The following PHF20 variants were observed in gnomAD, a reference collection of about 807,000 sequenced individuals.
The protein encoded by PHF20 is glioma-expressed antigen 2.
A neutral mutation model predicts 113.5 loss-of-function variants in PHF20; 23 were observed. The ratio of observed to expected loss-of-function variants is 0.20; its 90% CI spans 0.15 to 0.29. The LOEUF (loss-of-function observed/expected upper bound fraction) is 0.29, where lower values mean the gene tolerates loss of function less well. Among genes scored for constraint, PHF20 ranks in the 10% least tolerant of loss-of-function variants. PHF20 has a pLI of 1.00. For synonymous variants in PHF20, 434 were observed against 457.3 expected, an observed-to-expected ratio of 0.95 and a Z score of 0.65; for missense variants, 943 against 1,219.6, an observed-to-expected ratio of 0.77 and a Z score of 3.38.
intron 2 of PHF20, among the ~76,000 whole-genome samples, chr20:35,824,826 T>C (rs1354315610): frequency 2.0e-5 from 3 of 152,220 alleles, no homozygotes; most frequent in Non-Finnish European, 2.9e-5. Context: ...TATATGCCTG[T>C]TCTGGACATT....
At chr20:35,812,326 A>T (rs1455499177) in intron 2 of PHF20, among the ~76,000 whole-genome samples, 2 of 151,904 alleles carry the variant, frequency 1.3e-5, no homozygotes, top group African/African-American at 4.8e-5. Flanking sequence ...TGATTCCATG[A>T]TAATCTTTCT....
At chr20:35,921,745 T>C (rs865982165) in intron 13 of PHF20, among the ~76,000 whole-genome samples, 2 of 151,618 alleles carry the variant, frequency 1.3e-5, no homozygotes, top group African/African-American at 4.8e-5. Context: ...GACTATCATT[T>C]TTTAGTAGAT....
intron 1 of PHF20, among the ~76,000 whole-genome samples, chr20:35,789,635 C>T (rs1028899618): frequency 2.0e-5 from 3 of 151,922 alleles, no homozygotes; most frequent in Non-Finnish European, 4.4e-5. Context: ...TAACCTCCAC[C>T]TGCCGGGTTC....
chr20:35,891,582 G>T (rs1041680620), intron 9 of PHF20, among the ~76,000 whole-genome samples: 3 of 152,170 alleles, frequency 2.0e-5, no homozygotes, highest in Non-Finnish European at 4.4e-5. Context: ...TGAAGGATGA[G>T]CAAGACTTGG....
chr20:35,793,647 G>A, intron 1 of PHF20, among the ~76,000 whole-genome samples: 1 of 151,758 alleles, frequency 6.6e-6, no homozygotes, highest in East Asian at 1.9e-4. Flanking sequence ...TTTCCATGTC[G>A]CTGGTTCACA....
At chr20:35,889,699 A>G (rs1185226108) in intron 9 of PHF20, among the ~76,000 whole-genome samples, 2 of 147,876 alleles carry the variant, frequency 1.4e-5, no homozygotes, top group Non-Finnish European at 3.0e-5. Flanking sequence ...TATACCATGC[A>G]TATTCTGTTT....
intron 5 of PHF20, among the ~76,000 whole-genome samples, chr20:35,860,984 C>G (rs2054208848): frequency 6.6e-6 from 1 of 152,150 alleles, no homozygotes; most frequent in South Asian, 2.1e-4. Context: ...CTTCATTTCT[C>G]ATTTCCCAAT....
intron 3 of PHF20, among the ~76,000 whole-genome samples, chr20:35,846,624 A>C (rs918780962): frequency 1.3e-5 from 2 of 152,158 alleles, no homozygotes; most frequent in African/African-American, 4.8e-5. Flanking sequence ...TCTGACTCCT[A>C]TACTGGATGT....
chr20:35,832,324 C>A (rs1486195140), intron 2 of PHF20, among the ~76,000 whole-genome samples: 1 of 152,142 alleles, frequency 6.6e-6, no homozygotes, highest in African/African-American at 2.4e-5. Context: ...TGTTGTTGCA[C>A]CTGGTATACT....
intron 4 of PHF20, among the ~76,000 whole-genome samples, chr20:35,855,825 C>T (rs1266151743): frequency 6.6e-6 from 1 of 151,996 alleles, no homozygotes; most frequent in African/African-American, 2.4e-5. Context: ...AGGTGCCCAC[C>T]ACCATACCTG....
At chr20:35,918,836 G>A (rs2055454839) in intron 13 of PHF20, among the ~76,000 whole-genome samples, 1 of 152,198 alleles carries the variant, frequency 6.6e-6, no homozygotes, top group Non-Finnish European at 1.5e-5. Context: ...TTATATTATA[G>A]CGTTAATGGG....
At chr20:35,781,638 G>A (rs2041298665) in intron 1 of PHF20, among the ~76,000 whole-genome samples, 1 of 151,902 alleles carries the variant, frequency 6.6e-6, no homozygotes, top group African/African-American at 2.4e-5. Flanking sequence ...CTCCATCTCC[G>A]TAACTCCTCA....
intron 2 of PHF20, among the ~76,000 whole-genome samples, chr20:35,813,597 C>T (rs2042014091): frequency 2.0e-5 from 3 of 152,114 alleles, no homozygotes; most frequent in South Asian, 4.1e-4. Context: ...CGGTGGCTCA[C>T]GCCTGTAATC....
intron 4 of PHF20, among the ~76,000 whole-genome samples, chr20:35,854,096 T>C (rs1280025626): frequency 1.3e-5 from 2 of 152,192 alleles, no homozygotes; most frequent in Non-Finnish European, 2.9e-5. Flanking sequence ...CCCTGGAATA[T>C]TGGCTGTGGT....
chr20:35,856,019 C>T (rs1039464007), intron 4 of PHF20, among the ~76,000 whole-genome samples: 8 of 152,044 alleles, frequency 5.3e-5, no homozygotes, highest in African/African-American at 1.9e-4. Context: ...ACTATAGTCA[C>T]CCTGTTGTGC....
At chr20:35,886,035 A>G (rs1308886008) in intron 9 of PHF20, among the ~76,000 whole-genome samples, 5 of 151,654 alleles carry the variant, frequency 3.3e-5, no homozygotes, top group African/African-American at 7.3e-5. Flanking sequence ...GTTTATCTGC[A>G]TGGGCTCATG....
intron 12 of PHF20, among the ~76,000 whole-genome samples, chr20:35,915,489 C>T (rs2055387928): frequency 6.6e-6 from 1 of 152,004 alleles, no homozygotes; most frequent in South Asian, 2.1e-4. Flanking sequence ...TGGATTCAAG[C>T]AATTCTCCTG....
rs755656443 is a variant in PHF20 at position 35,847,396 on chromosome 20, G to A, written c.302G>A (p.Arg101His). ...GTCCTTGCTTGCTGGTCTGATTGTC[G>A]TTTTTACCCGGCCAAAGTCACTGCT... ...EQVLACWSDC[R>H]FYPAKVTAVN... Residue 101 changes from arginine (R) to histidine (H), a missense_variant, in exon 4 of 18, where the codon CGT becomes CAT. Transcript: ENST00000374012. The A allele has an allele frequency of 6.8e-6, 11 of 1,611,262 alleles. No homozygotes were observed. Among genetic ancestry groups the A allele is most frequent in the Middle Eastern group, 1.6e-4 (1 of 6,080 alleles).
intron 3 of PHF20, chr20:35,845,556 C>T (rs2042609216): frequency 6.2e-6 from 1 of 162,490 alleles, no homozygotes; most frequent in Admixed American, 6.2e-5. Flanking sequence ...TTTGTAGAGA[C>T]AAGGTCTTAT....
Sources: gnomAD v4.1 joint callset for allele counts (sites outside exome capture counted in the v4.1 genomes callset) on GRCh38, gnomAD v4.1.1 for gene constraint, MANE v1.5 for transcripts, NCBI Gene and HGNC (gene_info 2026-07-23, HGNC 2026-07-21) for gene names.